Variants in GSK3B observed in about 807,000 individuals in gnomAD.
GSK3B encodes the protein glycogen synthase kinase-3 beta.
In GSK3B, 15 loss-of-function variants were observed where a neutral mutation model predicts 56.4. That is an observed-to-expected ratio of 0.27 (90% CI 0.18 to 0.41). The LOEUF (loss-of-function observed/expected upper bound fraction) is 0.41. Ranked by LOEUF, GSK3B falls within the 10% of genes least tolerant of loss-of-function variation. The pLI, the probability that GSK3B is intolerant of heterozygous loss-of-function variation, is 1.00. For missense variants in GSK3B, 300 were observed against 513.4 expected, an observed-to-expected ratio of 0.58 and a Z score of 4.02; for synonymous variants, 181 against 188.9, an observed-to-expected ratio of 0.96 and a Z score of 0.34.
chr3:119,860,686 C>A (rs548767160), intron 9 of GSK3B, among the ~76,000 whole-genome samples: 14 of 152,256 alleles, frequency 9.2e-5, no homozygotes, highest in Non-Finnish European at 1.6e-4. Context: ...TAGTTCTGTA[C>A]ATATAGCAGG....
intron 10 of GSK3B, among the ~76,000 whole-genome samples, chr3:119,830,458 T>G (rs79627686): frequency 0.016 from 2,432 of 152,364 alleles, 61 homozygotes; most frequent in African/African-American, 0.055. Context: ...GTGTAATTTC[T>G]GTAACTTTTC....
intron 2 of GSK3B, among the ~76,000 whole-genome samples, chr3:119,956,296 A>G (rs1049260006): frequency 6.6e-6 from 1 of 152,232 alleles, no homozygotes; most frequent in Non-Finnish European, 1.5e-5. Context: ...AGGTCCAGAA[A>G]GCAATACCGT....
chr3:119,843,157 C>T lies in GSK3B; in HGVS notation c.1195+98G>A, dbSNP rs1332433301. 8.2e-6 allele frequency: 5 copies of T among 606,678 alleles called. No homozygotes were observed. In the East Asian group the frequency reaches 1.6e-4, roughly 20 times the overall value. The allele number at this position is 606,678 out of a possible 1,614,324, so 37.6% of individuals were successfully genotyped here. A position where few individuals can be genotyped will look rare whatever the true frequency, so the allele number is the denominator to read the frequency against. On this transcript the variant is annotated intron_variant, in intron 10 of 10. Coordinates refer to ENST00000264235, the MANE Select transcript of GSK3B (RefSeq NM_001146156.2). ...CTCAAACTCCTGACCTCAGGTGATC[C>T]ACCCACCTCGGCCTCCCAAAGTGCT...
At chr3:120,002,008 C>G in intron 2 of GSK3B, 38 bp downstream of exon 2, 3 of 1,346,440 alleles carry the variant, frequency 2.2e-6, no homozygotes, top group Non-Finnish European at 3.0e-6. Context: ...ATATGTATTA[C>G]GACAGCAACA....
At chr3:119,895,341 A>ACT (rs1309221846) in intron 7 of GSK3B, among the ~76,000 whole-genome samples, 1 of 152,142 alleles carries the variant, frequency 6.6e-6, no homozygotes, top group African/African-American at 2.4e-5. Context: ...ACTGATAGGT[A>ACT]CTTACGTTGT....
At chr3:120,056,715 G>C (rs1422020343) in intron 1 of GSK3B, among the ~76,000 whole-genome samples, 1 of 152,178 alleles carries the variant, frequency 6.6e-6, no homozygotes, top group Non-Finnish European at 1.5e-5. Context: ...TTTATAGTTT[G>C]AGGAAGAGCA....
At chr3:119,965,250 G>C (rs2057308912) in intron 2 of GSK3B, among the ~76,000 whole-genome samples, 1 of 148,830 alleles carries the variant, frequency 6.7e-6, no homozygotes, top group Non-Finnish European at 1.5e-5. Context: ...TTTTAGTAGA[G>C]ACGGGGTTTC....
In GSK3B at chr3:119,863,574, A is replaced by T; in HGVS notation, c.941T>A (p.Ile314Asn). The change falls in exon 9 of 11, where the codon ATT becomes AAT. Residue 314 changes from isoleucine to asparagine, a missense_variant. Around this residue, in one of 6 missense-constraint regions of GSK3B, gnomAD observed 38 missense variants for 58.3 expected, o/e 0.65. Coordinates refer to ENST00000264235, the MANE Select transcript of GSK3B (RefSeq NM_001146156.2). ...CTCCAGCAGACGGCTACACAGTGCAATTGCCTCCGGTGGAGTTCGGGGTCG... is the reference window on the plus strand; with the variant it reads ...CTCCAGCAGACGGCTACACAGTGCATTTGCCTCCGGTGGAGTTCGGGGTCG... ...VFRPRTPPEA[I>N]ALCSRLLEYT... 6.2e-7 allele frequency: 1 copy of T among 1,613,310 alleles called. No homozygotes were observed. Among genetic ancestry groups the T allele is most frequent in the Non-Finnish European group, 8.5e-7 (1 of 1,179,254 alleles).
At chr3:119,851,359 T>C (rs1363655712) in intron 9 of GSK3B, among the ~76,000 whole-genome samples, 1 of 152,214 alleles carries the variant, frequency 6.6e-6, no homozygotes, top group African/African-American at 2.4e-5. Flanking sequence ...TACATCTAGT[T>C]GGTAAAATCT....
Position 119,857,115 on chromosome 3 carries a change from C to T in GSK3B, c.1096+6304G>A, listed in dbSNP as rs141048190. On this transcript the variant is annotated intron_variant, in intron 9 of 10. Coordinates refer to ENST00000264235, the MANE Select transcript of GSK3B (RefSeq NM_001146156.2). ...TCCTAAAGATCACCTGAGCCTTCTG[C>T]GAGTCATCTTTTGTGGGTGGAGGGT... Among the ~76,000 whole-genome samples, 1,251 of 152,280 alleles carry T rather than the reference C, an allele frequency of 8.2e-3. 9 individuals carry two copies. Among genetic ancestry groups the T allele is most frequent in the Middle Eastern group, 0.02 (6 of 294 alleles).
rs777313924 is a variant in GSK3B at position 119,861,372 on chromosome 3, A to G, written c.1096+2047T>C. Among the ~76,000 whole-genome samples, 2 of 152,012 alleles carry G rather than the reference A, an allele frequency of 1.3e-5. 1 individual carries two copies. Among genetic ancestry groups the G allele is most frequent in the Non-Finnish European group, 2.9e-5 (2 of 67,942 alleles). On this transcript the variant is annotated intron_variant, in intron 9 of 10. Coordinates refer to ENST00000264235, the MANE Select transcript of GSK3B (RefSeq NM_001146156.2). ...CTGAAAATACAAAAATTAGCCAGGT[A>G]TGGTGGCAGGAGCCTGTAATCCCAG...
At position 119,861,705 on chromosome 3, in the gene GSK3B, G is replaced by A. The variant is rs141222677; in HGVS notation, c.1096+1714C>T. On this transcript the variant is annotated intron_variant, in intron 9 of 10. Transcript: ENST00000264235. ...ATCACAGCCCAGTTTCAGAATGGGTGCTAAGACAGAGCATTTGAACACTTT... is the reference window on the plus strand; with the variant it reads ...ATCACAGCCCAGTTTCAGAATGGGTACTAAGACAGAGCATTTGAACACTTT... 2.0e-3 allele frequency among the ~76,000 whole-genome samples: 297 copies of A among 152,284 alleles called. 2 individuals are homozygous for A. Among genetic ancestry groups the A allele is most frequent in the African/African-American group, 5.4e-3 (223 of 41,548 alleles).
chr3:119,861,458 C>T (rs1378472013), intron 9 of GSK3B, among the ~76,000 whole-genome samples: 3 of 151,414 alleles, frequency 2.0e-5, no homozygotes, highest in African/African-American at 7.3e-5. Context: ...TTGCAGCGAG[C>T]CGGTATCATG....
In GSK3B at chr3:119,828,782, A is replaced by ACGG. The variant is rs1418035840; in HGVS notation, c.1196-1928_1196-1927insCCG. On this transcript the variant is annotated intron_variant, in intron 10 of 10. Transcript: ENST00000264235. ...CGATAAGCTGCCCTTATATACATTT[A>ACGG]GCACAGCCTTTGGGGAAGGAATGTG... 3.7e-4 allele frequency among the ~76,000 whole-genome samples: 57 copies of ACGG among 152,236 alleles called. 1 individual carries two copies. Among genetic ancestry groups the ACGG allele is most frequent in the Non-Finnish European group, 6.6e-4 (45 of 68,042 alleles).
At chr3:120,059,882 C>T (rs1272987022) in intron 1 of GSK3B, among the ~76,000 whole-genome samples, 4 of 152,206 alleles carry the variant, frequency 2.6e-5, no homozygotes, top group Non-Finnish European at 5.9e-5. Context: ...CCCTAACCTT[C>T]TTCTGTAAAC....
chr3:120,051,992 A>C (rs1233566451), intron 1 of GSK3B, among the ~76,000 whole-genome samples: 1 of 152,206 alleles, frequency 6.6e-6, no homozygotes, highest in Non-Finnish European at 1.5e-5. Flanking sequence ...TAGCAGCATT[A>C]AACTTTAAAC....
chr3:119,840,608 T>C (rs1405325633), intron 10 of GSK3B, among the ~76,000 whole-genome samples: 2 of 152,214 alleles, frequency 1.3e-5, no homozygotes, highest in Non-Finnish European at 2.9e-5. Flanking sequence ...AATCTTAAAC[T>C]ACAGGCAGCC....
At chr3:120,071,041 C>T (rs1407281161) in intron 1 of GSK3B, among the ~76,000 whole-genome samples, 1 of 152,202 alleles carries the variant, frequency 6.6e-6, no homozygotes, top group African/African-American at 2.4e-5. Context: ...GCTAAATACA[C>T]CTAATGCAGA....
At chr3:119,929,698 T>C (rs1030677483) in intron 3 of GSK3B, among the ~76,000 whole-genome samples, 14 of 151,264 alleles carry the variant, frequency 9.3e-5, no homozygotes, top group Non-Finnish European at 1.8e-4. Context: ...AGGTCTGGAG[T>C]TCGAGACCAG....
Sources: gnomAD v4.1 joint callset for allele counts (sites outside exome capture counted in the v4.1 genomes callset) on GRCh38, gnomAD v4.1.1 for gene constraint, gnomAD v4.1.1 regional missense constraint, MANE v1.5 for transcripts, NCBI Gene and HGNC (gene_info 2026-07-23, HGNC 2026-07-21) for gene names.